PTER: variants seen among roughly 807,000 people sequenced by gnomAD.
The protein encoded by PTER is N-acetyltaurine hydrolase.
PTER carries 38 observed loss-of-function variants against 29.6 expected under a neutral mutation model. The observed-to-expected ratio is 1.28, with a 90% CI of 0.99 to 1.68. The LOEUF (loss-of-function observed/expected upper bound fraction) is 1.68. PTER is among the 40% of genes most tolerant of loss of function. PTER has a pLI of 0.00. For missense variants in PTER, 482 were observed against 427.8 expected (o/e 1.13, Z -1.12); for synonymous variants, 172 against 154.5 (o/e 1.11, Z -0.84).
chr10:16,514,454 A>T, downstream of PTER: 1 of 1,329,292 alleles, frequency 7.5e-7, no homozygotes, highest in South Asian at 1.3e-5. Flanking sequence ...ATCCCCTGGG[A>T]TCCTTGATTC....
intron 1 of PTER, among the ~76,000 whole-genome samples, chr10:16,452,590 A>G (rs2133375909): frequency 6.6e-6 from 1 of 151,916 alleles, no homozygotes; most frequent in Non-Finnish European, 1.5e-5. Flanking sequence ...GGCATGAACT[A>G]CTGCGCCCAG....
chr10:16,515,948 G>A (rs1836943001), downstream of PTER, among the ~76,000 whole-genome samples: 10 of 152,152 alleles, frequency 6.6e-5, no homozygotes, highest in South Asian at 2.1e-3. Flanking sequence ...AAATGAGACA[G>A]AAGTCAAGAA....
intron 1 of PTER, among the ~76,000 whole-genome samples, chr10:16,460,338 C>G (rs1162742465): frequency 6.6e-6 from 1 of 152,118 alleles, no homozygotes; most frequent in Non-Finnish European, 1.5e-5. Context: ...GTTAGTAAAA[C>G]AAACATTGGA....
At chr10:16,500,036 G>A (rs542699047) in intron 3 of PTER, among the ~76,000 whole-genome samples, 3 of 123,648 alleles carry the variant, frequency 2.4e-5, no homozygotes, top group South Asian at 6.6e-4. Context: ...CACTGCATCT[G>A]GCCTTGCCCC....
intron 1 of PTER, among the ~76,000 whole-genome samples, chr10:16,479,452 C>G (rs1835397394): frequency 6.6e-6 from 1 of 151,860 alleles, no homozygotes; most frequent in South Asian, 2.1e-4. Context: ...AGGTCTGAAC[C>G]TGTATGCACA....
At chr10:16,514,444 A>C, downstream of PTER, 1 of 1,185,694 alleles carries the variant, frequency 8.4e-7, no homozygotes, top group Non-Finnish European at 1.2e-6. Context: ...TGCCATTGGC[A>C]TCCCCTGGGA....
chr10:16,508,906 G>A (rs758273341), intron 4 of PTER, among the ~76,000 whole-genome samples: 15 of 152,218 alleles, frequency 9.9e-5, no homozygotes, highest in Middle Eastern at 3.4e-3. Flanking sequence ...CTGAGCCATC[G>A]TAGTCTTAAA....
chr10:16,482,347 A>G (rs552247528), intron 1 of PTER, among the ~76,000 whole-genome samples: 2 of 152,178 alleles, frequency 1.3e-5, no homozygotes, highest in African/African-American at 2.4e-5. Flanking sequence ...TGTTCCCCCA[A>G]ATCATCTCCC....
chr10:16,493,721 G>C (rs1489330153), intron 3 of PTER, among the ~76,000 whole-genome samples: 1 of 152,072 alleles, frequency 6.6e-6, no homozygotes, highest in Admixed American at 6.6e-5. Flanking sequence ...TGGAAGGAAG[G>C]GGAGGGAGGG....
intron 4 of PTER, among the ~76,000 whole-genome samples, chr10:16,508,686 G>A (rs953515212): frequency 1.3e-5 from 2 of 151,778 alleles, no homozygotes; most frequent in Middle Eastern, 3.4e-3. Flanking sequence ...ATAAATCTGT[G>A]TATATATATA....
downstream of PTER, among the ~76,000 whole-genome samples, chr10:16,515,087 A>G (rs1836929030): frequency 6.6e-6 from 1 of 152,156 alleles, no homozygotes; most frequent in Non-Finnish European, 1.5e-5. Flanking sequence ...TAAGCCAGAT[A>G]GCAATATTCT....
At chr10:16,464,429 C>T (rs911287962) in intron 1 of PTER, among the ~76,000 whole-genome samples, 9 of 152,122 alleles carry the variant, frequency 5.9e-5, no homozygotes, top group Non-Finnish European at 1.0e-4. Context: ...TATTACAATA[C>T]TTTTGTAAGT....
intron 1 of PTER, among the ~76,000 whole-genome samples, chr10:16,477,949 G>A (rs1835339627): frequency 6.6e-6 from 1 of 152,154 alleles, no homozygotes; most frequent in Admixed American, 6.5e-5. Context: ...GGTTTCATGG[G>A]ACAGAAAATC....
intron 1 of PTER, among the ~76,000 whole-genome samples, chr10:16,480,008 G>T (rs967378461): frequency 3.5e-5 from 5 of 142,618 alleles, no homozygotes; most frequent in African/African-American, 1.3e-4. Flanking sequence ...ATAGTATTAG[G>T]TTGGTGCAAA....
At chr10:16,489,867 G>A (rs559961894) in intron 3 of PTER, among the ~76,000 whole-genome samples, 7 of 152,234 alleles carry the variant, frequency 4.6e-5, no homozygotes, top group Non-Finnish European at 7.4e-5. Context: ...CCACACAGGT[G>A]CTATGAGTTC....
At chr10:16,447,677 A>G (rs1397826290) in intron 1 of PTER, among the ~76,000 whole-genome samples, 5 of 152,202 alleles carry the variant, frequency 3.3e-5, no homozygotes, top group African/African-American at 1.2e-4. Flanking sequence ...ACTATCTCTG[A>G]CTATAAGGTC....
intron 1 of PTER, among the ~76,000 whole-genome samples, chr10:16,464,639 G>A (rs184722726): frequency 1.3e-5 from 2 of 152,200 alleles, no homozygotes; most frequent in South Asian, 2.1e-4. Flanking sequence ...CAGCCTTTAC[G>A]GGATGCTTTA....
At chr10:16,475,662 A>G (rs1835233913) in intron 1 of PTER, among the ~76,000 whole-genome samples, 1 of 152,154 alleles carries the variant, frequency 6.6e-6, no homozygotes. Context: ...CATCATGGAG[A>G]CTAACCCACT....
At position 16,505,092 on chromosome 10, in the gene PTER, T is replaced by G. The variant is rs775293671; in HGVS notation, c.771T>G (p.Gly257=). ...LGCYLEYDLF[G]TELLHYQLGP... ...GCTACTTGGAATATGATCTCTTTGG[T>G]ACTGAACTACTTCATTACCAACTCG... is the stretch of plus-strand genomic sequence containing the variant. Residue 257 remains glycine (G), a synonymous_variant, in exon 4 of 5, where the codon GGT becomes GGG. Coordinates refer to ENST00000535784, the MANE Select transcript of PTER (RefSeq NM_001261836.2). 1.9e-6 allele frequency: 3 copies of G among 1,614,042 alleles called. No homozygotes were observed. Among genetic ancestry groups the G allele is most frequent in the Non-Finnish European group, 2.5e-6 (3 of 1,179,922 alleles).
Sources: allele counts gnomAD v4.1 joint callset (sites outside exome capture counted in the v4.1 genomes callset), GRCh38; gene constraint gnomAD v4.1.1; transcripts MANE v1.5; gene names NCBI Gene and HGNC (gene_info 2026-07-23, HGNC 2026-07-21).